LPP: variants seen among roughly 807,000 people sequenced by gnomAD.
LPP encodes lipoma-preferred partner.
LPP carries 38 observed loss-of-function variants against 60.4 expected under a neutral mutation model. The observed-to-expected ratio is 0.63, with a 90% CI of 0.49 to 0.83. The LOEUF is 0.83. LPP is among the 40% of genes least tolerant of loss of function. The probability of loss-of-function intolerance (pLI) is 0.00; values close to 1 mark genes in which losing one functional copy is unlikely to be tolerated. For missense variants in LPP, 902 were observed against 783.6 expected (o/e 1.15, Z -1.80); for synonymous variants, 328 against 290.8 (o/e 1.13, Z -1.30).
chr3:188,550,675 A>G (rs1476096536), intron 6 of LPP, among the ~76,000 whole-genome samples: 3 of 152,092 alleles, frequency 2.0e-5, no homozygotes, highest in African/African-American at 7.2e-5. Context: ...ATCTTAGTAA[A>G]GCAGGAATTA....
At chr3:188,567,816 T>C (rs1321780773) in intron 6 of LPP, among the ~76,000 whole-genome samples, 2 of 151,986 alleles carry the variant, frequency 1.3e-5, no homozygotes, top group Non-Finnish European at 2.9e-5. Flanking sequence ...TTTAATCTGA[T>C]CATGTTTTCA....
chr3:188,874,762 T>C lies in LPP; in HGVS notation c.*283T>C. 1 of 299,718 alleles carries C rather than the reference T, an allele frequency of 3.3e-6. No individual in the cohort carries two copies. Among genetic ancestry groups the C allele is most frequent in the Non-Finnish European group, 6.3e-6 (1 of 159,846 alleles). The allele number at this position is 299,718 out of a possible 1,614,324, so 18.6% of individuals were successfully genotyped here. A position where few individuals can be genotyped will look rare whatever the true frequency, so the allele number is the denominator to read the frequency against. On this transcript the variant is annotated 3_prime_UTR_variant, in exon 12 of 12. Transcript: ENST00000617246. ...ATTCACTTCTGCATTCCTGTAACTT[T>C]TAATCCCTATGTTTGTCTCACTTTT...
intron 3 of LPP, among the ~76,000 whole-genome samples, chr3:188,378,731 C>T (rs1245462045): frequency 1.3e-5 from 2 of 152,172 alleles, no homozygotes; most frequent in African/African-American, 4.8e-5. Context: ...TGCACCTACT[C>T]TCTGGCACTC....
chr3:188,371,091 G>A lies in LPP; in HGVS notation c.-10+29372G>A, dbSNP rs75058460. ...TATACCACGAACATCTTCAATTTCC[G>A]ACTTTGCCTTCCTTCTCTGTATGGT... On this transcript the variant is annotated intron_variant, in intron 3 of 11. Transcript: ENST00000617246. 1.7e-4 allele frequency among the ~76,000 whole-genome samples: 26 copies of A among 152,138 alleles called. No individual in the cohort carries two copies. The East Asian group carries it at 4.3e-3, about 25-fold the overall frequency.
chr3:188,456,115 C>G (rs1207294322), intron 4 of LPP, among the ~76,000 whole-genome samples: 1 of 152,136 alleles, frequency 6.6e-6, no homozygotes, highest in Non-Finnish European at 1.5e-5. Context: ...TGGCACTGGG[C>G]TCAAATGATT....
Position 188,586,622 on chromosome 3 carries a change from T to C in LPP, c.430-22539T>C, listed in dbSNP as rs149034315. Among the ~76,000 whole-genome samples the C allele has an allele frequency of 6.6e-5, 10 of 152,324 alleles. No individual in the cohort carries two copies. The East Asian group carries it at 1.9e-3, about 29-fold the overall frequency. On this transcript the variant is annotated intron_variant, in intron 6 of 11. Transcript: ENST00000617246. ...CTAAAACATGCTTAGAGAAAAGATA[T>C]TTCTATGAGAAATGAAACTGCAGAA...
At chr3:188,642,672 C>G (rs1313982387) in intron 7 of LPP, among the ~76,000 whole-genome samples, 1 of 152,112 alleles carries the variant, frequency 6.6e-6, no homozygotes, top group South Asian at 2.1e-4. Context: ...TGCGGTGGCT[C>G]ACACTTGTAA....
chr3:188,412,911 C>A (rs1785226662), intron 4 of LPP, among the ~76,000 whole-genome samples: 1 of 152,078 alleles, frequency 6.6e-6, no homozygotes, highest in Non-Finnish European at 1.5e-5. Context: ...TAGATGATTG[C>A]TAATCTACCC....
chr3:188,655,902 A>G (rs529307219), intron 7 of LPP, among the ~76,000 whole-genome samples: 1 of 152,194 alleles, frequency 6.6e-6, no homozygotes, highest in African/African-American at 2.4e-5. Context: ...TTAAAAAAAC[A>G]CTTTGGGCCA....
chr3:188,448,176 ACAATTGTACTTGTTGGC>A (rs1795720255), intron 4 of LPP, among the ~76,000 whole-genome samples: 1 of 152,172 alleles, frequency 6.6e-6, no homozygotes, highest in African/African-American at 2.4e-5. Context: ...ATGTTGTAAA[ACAATTGTACTTGTTGGC>A]AGACGTCTTG....
chr3:188,182,096 C>T lies in LPP; in HGVS notation c.-190+27844C>T, dbSNP rs890160104. On this transcript the variant is annotated intron_variant, in intron 1 of 11. Transcript: ENST00000617246. This position sits in a 1 kb window ranked among gnomAD's most constrained non-coding sequence, Gnocchi z 4.4. ...TGTCTCTTTCTTAAGTCTAACTCCT[C>T]GTGAGTCTTTCCAGCCTCAGCACAT... 6.6e-6 allele frequency among the ~76,000 whole-genome samples: 1 copy of T among 152,208 alleles called. No homozygotes were observed. The highest frequency in any genetic ancestry group is 1.9e-4 in the East Asian group (1 of 5,190).
chr3:188,638,955 G>T (rs1849450312), intron 7 of LPP, among the ~76,000 whole-genome samples: 1 of 152,228 alleles, frequency 6.6e-6, no homozygotes, highest in African/African-American at 2.4e-5. Flanking sequence ...GTAATTTATA[G>T]ATTCAATGCC....
At chr3:188,166,829 A>C (rs1434373762) in intron 1 of LPP, among the ~76,000 whole-genome samples, 1 of 152,218 alleles carries the variant, frequency 6.6e-6, no homozygotes, top group African/African-American at 2.4e-5. Context: ...TGAATGAATG[A>C]ATGAATGAAT....
intron 7 of LPP, among the ~76,000 whole-genome samples, chr3:188,692,744 G>A (rs1010650132): frequency 1.3e-5 from 2 of 152,206 alleles, no homozygotes; most frequent in South Asian, 2.1e-4. Flanking sequence ...TGTATTATTT[G>A]CAATCATCTC....
At chr3:188,795,041 A>G (rs976650523) in intron 9 of LPP, among the ~76,000 whole-genome samples, 1 of 152,190 alleles carries the variant, frequency 6.6e-6, no homozygotes, top group African/African-American at 2.4e-5. Context: ...AGGCTGAGGC[A>G]GGAGAATTGC....
At chr3:188,708,571 G>A in intron 8 of LPP, 178 bp downstream of exon 8, 1 of 778,892 alleles carries the variant, frequency 1.3e-6, no homozygotes, top group Non-Finnish European at 2.1e-6. Flanking sequence ...GACTGCCATA[G>A]ATGTGATGTC....
At chr3:188,554,055 C>T (rs1435261825) in intron 6 of LPP, 2 of 152,096 alleles carry the variant, frequency 1.3e-5, no homozygotes, top group Non-Finnish European at 2.9e-5. Flanking sequence ...TGTATCACAT[C>T]CCATGCATCT....
chr3:188,508,106 A>G (rs1187873630), intron 5 of LPP, among the ~76,000 whole-genome samples: 1 of 152,214 alleles, frequency 6.6e-6, no homozygotes, highest in Non-Finnish European at 1.5e-5. Flanking sequence ...TCAGGGGTCC[A>G]TTGAGGCAGA....
At chr3:188,388,810 CT>C (rs1006503404) in intron 3 of LPP, among the ~76,000 whole-genome samples, 1 of 152,152 alleles carries the variant, frequency 6.6e-6, no homozygotes, top group African/African-American at 2.4e-5. Flanking sequence ...GGTCCTCAAA[CT>C]TTTTCTGTAA....
Sources: allele counts gnomAD v4.1 joint callset (sites outside exome capture counted in the v4.1 genomes callset), GRCh38; gene constraint gnomAD v4.1.1; non-coding constraint Gnocchi (gnomAD v3.1); transcripts MANE v1.5; gene names NCBI Gene and HGNC (gene_info 2026-07-23, HGNC 2026-07-21).